AGO2: variants seen among roughly 807,000 people sequenced by gnomAD.
AGO2 encodes protein argonaute-2.
A neutral mutation model predicts 102.3 loss-of-function variants in AGO2; 5 were observed. That is an observed-to-expected ratio of 0.05 (90% confidence interval 0.03 to 0.10). The LOEUF is 0.10. AGO2 is among the 10% of genes least tolerant of loss of function. The probability of loss-of-function intolerance (pLI) is 1.00; values close to 1 mark genes in which losing one functional copy is unlikely to be tolerated. For synonymous variants in AGO2, 449 were observed against 473.1 expected (o/e 0.95, Z 0.66); for missense variants, 541 against 1,183.7 (o/e 0.46, Z 7.97).
Position 140,617,620 on chromosome 8 carries a change from G to A in AGO2, c.22+17865C>T, listed in dbSNP as rs375013054. Among the ~76,000 whole-genome samples, 17 of 152,328 alleles carry A rather than the reference G, an allele frequency of 1.1e-4. No homozygotes were observed. In the East Asian group the frequency reaches 1.7e-3, roughly 16 times the overall value. ...ACCAATGTCGGTCACGCAGCTGGTA[G>A]GTGGAGGATAATCAAGAACTGAGCA... On this transcript the variant is annotated intron_variant, in intron 1 of 18. Transcript: ENST00000220592.
chr8:140,620,945 G>A (rs1430010426), intron 1 of AGO2, among the ~76,000 whole-genome samples: 3 of 152,010 alleles, frequency 2.0e-5, no homozygotes, highest in Middle Eastern at 3.2e-3. Flanking sequence ...ACAGGGTCCC[G>A]CTCCATCACC....
At chr8:140,544,022 G>T (rs779681338) in intron 14 of AGO2, among the ~76,000 whole-genome samples, 191 bp downstream of exon 14, 18 of 152,186 alleles carry the variant, frequency 1.2e-4, no homozygotes, top group Non-Finnish European at 2.6e-4. Context: ...CTGCTTCTTA[G>T]AACTTATTTT....
intron 5 of AGO2, 42 bp from the exon 6 acceptor site, chr8:140,559,571 G>C: frequency 1.9e-6 from 3 of 1,591,536 alleles, no homozygotes; most frequent in Non-Finnish European, 2.6e-6. Flanking sequence ...CATGACTGTG[G>C]GGCTGCTGGA....
chr8:140,609,169 A>G (rs1055949770), intron 1 of AGO2, among the ~76,000 whole-genome samples: 49 of 152,404 alleles, frequency 3.2e-4, no homozygotes, highest in Admixed American at 2.2e-3. Flanking sequence ...AGGAAAAGCC[A>G]GCGTGAGCCA....
At chr8:140,608,269 C>G (rs568301557) in intron 1 of AGO2, among the ~76,000 whole-genome samples, 1 of 152,232 alleles carries the variant, frequency 6.6e-6, no homozygotes, top group Non-Finnish European at 1.5e-5. Flanking sequence ...CCCTCCAGCA[C>G]GCTCCGGTCT....
At chr8:140,576,859 G>C (rs1172519994) in intron 2 of AGO2, among the ~76,000 whole-genome samples, 1 of 152,112 alleles carries the variant, frequency 6.6e-6, no homozygotes, top group Non-Finnish European at 1.5e-5. Context: ...TGCCACACCC[G>C]CACAATGCAA....
rs572410586 is a variant in AGO2, at chr8:140,570,758, C to T, written c.336+2054G>A. On this transcript the variant is annotated intron_variant, in intron 3 of 18. Transcript: ENST00000220592. ...TTGAGGCTTGGCCAGTTGAGGTGCC[C>T]CAGGTCCCACCACAGGAAGGGTGGA... Among the ~76,000 whole-genome samples, 48 of 152,262 alleles carry T rather than the reference C, an allele frequency of 3.2e-4. 1 individual carries two copies. Among genetic ancestry groups the T allele is most frequent in the South Asian group, 2.3e-3 (11 of 4,822 alleles).
chr8:140,552,293 G>C (rs2073012452), intron 10 of AGO2, among the ~76,000 whole-genome samples: 2 of 152,238 alleles, frequency 1.3e-5, no homozygotes, highest in Admixed American at 1.3e-4. Context: ...GGCGGGCTGT[G>C]CAAATGCGCT....
At chr8:140,579,180 G>A (rs777405428) in intron 2 of AGO2, among the ~76,000 whole-genome samples, 1 of 151,444 alleles carries the variant, frequency 6.6e-6, no homozygotes, top group Non-Finnish European at 1.5e-5. Context: ...CCATCACTGC[G>A]TCACTGCACT....
intron 1 of AGO2, chr8:140,593,102 C>CT (rs2073767709): frequency 6.6e-6 from 1 of 152,212 alleles, no homozygotes; most frequent in Admixed American, 6.5e-5. Flanking sequence ...AAACTGAATC[C>CT]TTTTTTCACC....
chr8:140,612,286 G>A lies in AGO2; in HGVS notation c.22+23199C>T, dbSNP rs929260978. On this transcript the variant is annotated intron_variant, in intron 1 of 18. Transcript: ENST00000220592. ...ACTTCTGGTTAGTTCAGCAGTGTTC[G>A]TGAATGGGATGTTTTGATGATCTGT... Among the ~76,000 whole-genome samples, 21 of 148,944 alleles carry A rather than the reference G, an allele frequency of 1.4e-4. 1 individual carries two copies. Among genetic ancestry groups the A allele is most frequent in the African/African-American group, 3.5e-4 (14 of 40,470 alleles).
At chr8:140,542,928 C>T (rs1195322847) in intron 14 of AGO2, among the ~76,000 whole-genome samples, 1 of 152,186 alleles carries the variant, frequency 6.6e-6, no homozygotes, top group African/African-American at 2.4e-5. Flanking sequence ...CACCTGAGGT[C>T]AGGAGTTCAA....
Position 140,521,425 on chromosome 8 carries a change from T to C in AGO2, c.*10619A>G, listed in dbSNP as rs1226203666. 1.3e-5 allele frequency: 2 copies of C among 152,218 alleles called. No individual in the cohort carries two copies. Among genetic ancestry groups the C allele is most frequent in the African/African-American group, 4.8e-5 (2 of 41,452 alleles). 9.4% of individuals were successfully genotyped at this position (152,218 alleles called of 1,614,324 possible). On this transcript the variant is annotated 3_prime_UTR_variant, in exon 19 of 19. Coordinates refer to ENST00000220592, the MANE Select transcript of AGO2 (RefSeq NM_012154.5). ...AAGGAATGTTGGTTCTCTTGTAAAA[T>C]TCAGAGATCTCTTTAAAATAGTAAA...
chr8:140,636,216 C>A (rs914508001), upstream of AGO2: 3 of 151,630 alleles, frequency 2.0e-5, no homozygotes, highest in Admixed American at 1.3e-4. Flanking sequence ...CAGGACCACA[C>A]CGCCACCTCC....
rs1386241134 is a variant in AGO2, at chr8:140,529,716, G to C, written c.*2328C>G. The C allele has an allele frequency of 6.6e-6, 1 of 152,168 alleles. No homozygotes were observed. The highest frequency in any genetic ancestry group is 1.5e-5 in the Non-Finnish European group (1 of 68,032). 9.4% of individuals were successfully genotyped at this position (152,168 alleles called of 1,614,324 possible). ...GGGTCCTCAGACCCCAGGGAGCCCAGGGCTGCAGGCCATCGCTTAGACACA... is the reference window on the plus strand; with the variant it reads ...GGGTCCTCAGACCCCAGGGAGCCCACGGCTGCAGGCCATCGCTTAGACACA... On this transcript the variant is annotated 3_prime_UTR_variant, in exon 19 of 19. Coordinates refer to ENST00000220592, the MANE Select transcript of AGO2 (RefSeq NM_012154.5).
At chr8:140,562,917 C>G (rs905632284) in intron 3 of AGO2, among the ~76,000 whole-genome samples, 4 of 152,186 alleles carry the variant, frequency 2.6e-5, no homozygotes, top group Non-Finnish European at 4.4e-5. Flanking sequence ...GTTTCACCCC[C>G]AAACAATGAA....
chr8:140,620,021 C>T (rs1437968723), intron 1 of AGO2, among the ~76,000 whole-genome samples: 6 of 152,164 alleles, frequency 3.9e-5, no homozygotes, highest in African/African-American at 9.7e-5. Flanking sequence ...AGGGATGAAA[C>T]GGGCTGGTGC....
intron 3 of AGO2, 93 bp downstream of exon 3, chr8:140,572,719 T>C: frequency 6.7e-7 from 1 of 1,498,670 alleles, no homozygotes; most frequent in Non-Finnish European, 8.9e-7. Context: ...TGAAATAGTT[T>C]CGTGTATGAG....
Position 140,567,393 on chromosome 8 carries a change from G to A in AGO2, c.337-4759C>T, listed in dbSNP as rs1041765749. Among the ~76,000 whole-genome samples the A allele has an allele frequency of 2.0e-5, 3 of 152,240 alleles. No individual in the cohort carries two copies. The highest frequency in any genetic ancestry group is 7.2e-5 in the African/African-American group (3 of 41,470). ...TGCCAGCAGCAGGTGGTCCACACCC[G>A]AGACACTGCCGCCTCTCAACAGCCC... On this transcript the variant is annotated intron_variant, in intron 3 of 18. Coordinates refer to ENST00000220592, the MANE Select transcript of AGO2 (RefSeq NM_012154.5). The surrounding 1 kb of genome is among the most constrained non-coding windows in gnomAD (Gnocchi z 5.0).
Sources: gnomAD v4.1 joint callset for allele counts (sites outside exome capture counted in the v4.1 genomes callset) on GRCh38, gnomAD v4.1.1 for gene constraint, Gnocchi (gnomAD v3.1) non-coding constraint, MANE v1.5 for transcripts, NCBI Gene and HGNC (gene_info 2026-07-23, HGNC 2026-07-21) for gene names.